The following PTGER3 variants were observed in gnomAD, a reference collection of about 807,000 sequenced individuals.
PTGER3 encodes the protein prostaglandin E receptor 3.
Under a neutral mutation model 34.7 loss-of-function variants are expected in PTGER3, and 22 were observed. That is an observed-to-expected ratio of 0.63 (90% CI 0.45 to 0.91). The LOEUF (loss-of-function observed/expected upper bound fraction) is 0.91. PTGER3 is among the 40% of genes least tolerant of loss of function. PTGER3 has a pLI of 0.00. For synonymous variants in PTGER3, 241 were observed against 230.1 expected (o/e 1.05, Z -0.43); for missense variants, 468 against 519.4 (o/e 0.90, Z 0.96).
intron 4 of PTGER3, among the ~76,000 whole-genome samples, chr1:70,924,365 A>T (rs1197787666): frequency 6.6e-6 from 1 of 152,162 alleles, no homozygotes; most frequent in Non-Finnish European, 1.5e-5. Flanking sequence ...TGTTCCAAGA[A>T]CTATGGTATA....
intron 4 of PTGER3, among the ~76,000 whole-genome samples, chr1:70,912,351 C>T (rs146342602): frequency 1.4e-3 from 213 of 152,058 alleles, no homozygotes; most frequent in Admixed American, 2.7e-3. Flanking sequence ...TAATCAACAG[C>T]TCATTTATTG....
intron 4 of PTGER3, among the ~76,000 whole-genome samples, chr1:70,917,991 T>C (rs113142679): frequency 4.3e-4 from 66 of 152,104 alleles, no homozygotes; most frequent in African/African-American, 1.6e-3. Flanking sequence ...GGTGTATAGT[T>C]TGCAAATGCT....
At chr1:70,974,859 A>G (rs1376882731) in intron 2 of PTGER3, among the ~76,000 whole-genome samples, 1 of 152,166 alleles carries the variant, frequency 6.6e-6, no homozygotes, top group Admixed American at 6.5e-5. Context: ...CTCAGGCTAC[A>G]CTAGCCATCT....
intron 1 of PTGER3, among the ~76,000 whole-genome samples, chr1:71,032,746 AT>A (rs1302702347): frequency 6.6e-6 from 1 of 152,116 alleles, no homozygotes; most frequent in Non-Finnish European, 1.5e-5. Flanking sequence ...ATATTTATTT[AT>A]TTGCTTAAGC....
chr1:71,029,917 C>T (rs1659252981), intron 1 of PTGER3, among the ~76,000 whole-genome samples: 1 of 124,374 alleles, frequency 8.0e-6, no homozygotes, highest in African/African-American at 3.2e-5. Flanking sequence ...CAGAGTGAGA[C>T]TCCATCTCAA....
intron 4 of PTGER3, among the ~76,000 whole-genome samples, chr1:70,855,165 T>A (rs1285517351): frequency 6.6e-6 from 1 of 152,176 alleles, no homozygotes; most frequent in African/African-American, 2.4e-5. Context: ...AATTCTGTCA[T>A]GTGCTATAAC....
Position 71,047,795 on chromosome 1 carries a change from G to T in PTGER3, c.-218C>A. The T allele has an allele frequency of 2.4e-6, 1 of 409,900 alleles. No homozygotes were observed. The highest frequency in any genetic ancestry group is 4.0e-6 in the Non-Finnish European group (1 of 249,348). The allele number at this position is 409,900 out of a possible 1,614,324, so 25.4% of individuals were successfully genotyped here. On this transcript the variant is annotated 5_prime_UTR_variant, in exon 1 of 4. Coordinates refer to ENST00000306666, the MANE Select transcript of PTGER3 (RefSeq NM_198719.2). ...GGGAGGGAGCCACGCCTTCCTCTCTGGGAAACCTCTGGTGGCGAGGCGCGC... is the reference window on the plus strand; with the variant it reads ...GGGAGGGAGCCACGCCTTCCTCTCTTGGAAACCTCTGGTGGCGAGGCGCGC...
intron 4 of PTGER3, among the ~76,000 whole-genome samples, chr1:70,934,609 A>G (rs947951549): frequency 6.6e-6 from 1 of 152,204 alleles, no homozygotes; most frequent in Non-Finnish European, 1.5e-5. Context: ...TAAACTATAA[A>G]TATGCTCATG....
intron 4 of PTGER3, among the ~76,000 whole-genome samples, chr1:70,889,092 T>C (rs757637411): frequency 1.3e-5 from 2 of 152,158 alleles, no homozygotes; most frequent in Non-Finnish European, 2.9e-5. Flanking sequence ...AACTTGCTCT[T>C]TAGCGACAGG....
At chr1:71,030,518 C>T (rs1334021085) in intron 1 of PTGER3, among the ~76,000 whole-genome samples, 1 of 152,182 alleles carries the variant, frequency 6.6e-6, no homozygotes, top group Admixed American at 6.5e-5. Context: ...GTGACTTGTA[C>T]TAGCTGAAAA....
At position 71,012,480 on chromosome 1, in the gene PTGER3, A is replaced by G. The variant is rs768597651; in HGVS notation, c.902T>C (p.Met301Thr). The G allele has an allele frequency of 3.7e-6, 6 of 1,611,058 alleles. No homozygotes were observed. Among genetic ancestry groups the G allele is most frequent in the Middle Eastern group, 1.7e-4 (1 of 6,056 alleles). ...CTGATTGAAGATCATTTTCAACATC[A>G]TTATCTAAGAAAAGGGGACAAATAA... ...LSVCWSPLLI[M>T]MLKMIFNQTS... The change falls in exon 2 of 4, where the codon ATG becomes ACG. Residue 301 changes from methionine (M) to threonine (T), a missense_variant. Met to Thr is a moderately conservative substitution (Grantham distance 81). Transcript: ENST00000306666.
chr1:70,958,123 C>T (rs929827864), intron 2 of PTGER3, among the ~76,000 whole-genome samples: 2 of 152,032 alleles, frequency 1.3e-5, no homozygotes, highest in African/African-American at 4.8e-5. Flanking sequence ...AGGTTCATTC[C>T]ATATCTTGAC....
chr1:71,047,314 G>T lies in PTGER3; in HGVS notation c.264C>A (p.Phe88Leu). The T allele has an allele frequency of 6.2e-7, 1 of 1,606,222 alleles. No homozygotes were observed. ...RRRESKRKKSFLLCIGWLALT... is the reference protein window; with the variant it reads ...RRRESKRKKSLLLCIGWLALT... ...GCGCCAGCCAGCCGATGCACAGCAG[G>T]AAGGACTTCTTGCGCTTGCTCTCCC... The change falls in exon 1 of 4, where the codon TTC becomes TTA. Residue 88 changes from phenylalanine (F) to leucine (L), a missense_variant. By Grantham distance (22) the Phe-to-Leu change is conservative (BLOSUM62 0). This residue lies in a region of PTGER3 where 151 missense variants were observed against 133.5 expected (regional missense o/e 1.13). Coordinates refer to ENST00000306666, the MANE Select transcript of PTGER3 (RefSeq NM_198719.2).
chr1:71,032,251 TTCTGGAAAATTCTCTGAGCCTGAA>T (rs1354975782), intron 1 of PTGER3, among the ~76,000 whole-genome samples: 34 of 152,334 alleles, frequency 2.2e-4, no homozygotes, highest in African/African-American at 6.7e-4. Flanking sequence ...ATACTCTTAC[TTCTGGAAAATTCTCTGAGCCTGAA>T]TCTGGAAAAT....
intron 1 of PTGER3, among the ~76,000 whole-genome samples, chr1:71,035,878 A>G (rs1294079400): frequency 6.6e-6 from 1 of 152,176 alleles, no homozygotes; most frequent in East Asian, 1.9e-4. Flanking sequence ...TTGAGGTCTT[A>G]TCTTGTAAGA....
exon 5 of PTGER3, chr1:70,852,789 AAG>A (rs1331840121): frequency 1.2e-6 from 2 of 1,603,002 alleles, no homozygotes; most frequent in African/African-American, 2.7e-5. Context: ...CTTTTACAAA[AAG>A]AGAGTCATGG....
chr1:71,008,243 A>C (rs1191399652), intron 2 of PTGER3: 1 of 930,820 alleles, frequency 1.1e-6, no homozygotes, highest in Non-Finnish European at 1.3e-6. Flanking sequence ...AAACTGATTG[A>C]TACAAAGCTT....
chr1:70,984,386 C>T (rs900490431), intron 2 of PTGER3, among the ~76,000 whole-genome samples: 1 of 138,078 alleles, frequency 7.2e-6, no homozygotes, highest in Non-Finnish European at 1.6e-5. Flanking sequence ...GACTCTGCCT[C>T]AAAAAAAAAA....
At chr1:70,852,963 A>C (rs1451852988) in intron 4 of PTGER3, 1 of 1,292,280 alleles carries the variant, frequency 7.7e-7, no homozygotes, top group Non-Finnish European at 1.1e-6. Flanking sequence ...CAGATTATGA[A>C]CAGGAATGGT....
Sources: allele counts gnomAD v4.1 joint callset (sites outside exome capture counted in the v4.1 genomes callset), GRCh38; gene constraint gnomAD v4.1.1; regional missense constraint gnomAD v4.1.1; transcripts MANE v1.5; gene names NCBI Gene and HGNC (gene_info 2026-07-23, HGNC 2026-07-21).